The following DENND2B variants were observed in gnomAD, a reference collection of about 807,000 sequenced individuals.
DENND2B encodes the protein DENN domain-containing protein 2B.
Under a neutral mutation model 116.0 loss-of-function variants are expected in DENND2B, and 32 were observed. That is an observed-to-expected ratio of 0.28 (90% CI 0.21 to 0.37). The LOEUF is 0.37. Ranked by LOEUF, DENND2B falls within the 10% of genes least tolerant of loss-of-function variation. DENND2B has a pLI of 1.00. For missense variants in DENND2B, 1,276 were observed against 1,477.7 expected, an observed-to-expected ratio of 0.86 and a Z score of 2.24; for synonymous variants, 588 against 583.9, an observed-to-expected ratio of 1.01 and a Z score of -0.10.
intron 13 of DENND2B, among the ~76,000 whole-genome samples, chr11:8,704,758 C>T (rs757507407): frequency 1.2e-4 from 18 of 152,122 alleles, no homozygotes; most frequent in African/African-American, 3.6e-4. Context: ...AGTGCAGTGG[C>T]GCAATCTTGA....
chr11:8,887,229 A>C lies in DENND2B; in HGVS notation c.-255-6120T>G, dbSNP rs114518765. ...CTTTCTTACATTTATATAGCAAATA[A>C]TTTTTCAAAATATTTTGCATTATCT... On this transcript the variant is annotated intron_variant, in intron 1 of 22. Transcript: ENST00000534127. Among the ~76,000 whole-genome samples the C allele has an allele frequency of 6.1e-3, 929 of 152,320 alleles. 8 individuals are homozygous for C. Among genetic ancestry groups the C allele is most frequent in the African/African-American group, 0.021 (868 of 41,548 alleles).
At chr11:8,869,789 A>G (rs2063713784) in intron 2 of DENND2B, among the ~76,000 whole-genome samples, 1 of 152,240 alleles carries the variant, frequency 6.6e-6, no homozygotes, top group Non-Finnish European at 1.5e-5. Context: ...CACTTCATGC[A>G]TTCAACAGGC....
chr11:8,695,459 T>C lies in DENND2B; in HGVS notation c.3379+4A>G. 1 of 1,613,498 alleles carries C rather than the reference T, an allele frequency of 6.2e-7. No homozygotes were observed. The highest frequency in any genetic ancestry group is 8.5e-7 in the Non-Finnish European group (1 of 1,179,814). ...TCTATCTCATCAGTAACAAGGCCAC[T>C]TACCCAAACCTCGGAGAAACTTATT... On this transcript the variant is annotated splice_donor_region_variant and intron_variant, in intron 19 of 19. Coordinates refer to ENST00000313726, the MANE Select transcript of DENND2B (RefSeq NM_213618.2).
At chr11:8,783,221 T>C (rs1593630768) in intron 1 of DENND2B, among the ~76,000 whole-genome samples, 1 of 152,162 alleles carries the variant, frequency 6.6e-6, no homozygotes, top group Non-Finnish European at 1.5e-5. Flanking sequence ...CACCAGCTAA[T>C]TTTTTACTTT....
intron 1 of DENND2B, among the ~76,000 whole-genome samples, chr11:8,762,531 G>T (rs1442610513): frequency 2.6e-5 from 4 of 152,226 alleles, no homozygotes; most frequent in African/African-American, 9.6e-5. Flanking sequence ...GGCAGGAGTA[G>T]CTTCAGCCCA....
chr11:8,842,960 ATCCTG>A (rs1006340352), intron 3 of DENND2B, among the ~76,000 whole-genome samples: 4 of 152,172 alleles, frequency 2.6e-5, no homozygotes, highest in African/African-American at 9.6e-5. Flanking sequence ...CAGGACAAAA[ATCCTG>A]TACTGGCCTA....
intron 3 of DENND2B, among the ~76,000 whole-genome samples, chr11:8,729,477 G>C (rs1306106130): frequency 6.6e-6 from 1 of 152,262 alleles, no homozygotes; most frequent in Admixed American, 6.5e-5. Context: ...AGAAGGAATT[G>C]TGTTAAATTT....
At chr11:8,774,676 AG>A (rs1436182439) in intron 1 of DENND2B, among the ~76,000 whole-genome samples, 1 of 152,134 alleles carries the variant, frequency 6.6e-6, no homozygotes, top group Non-Finnish European at 1.5e-5. Context: ...GGGCACAGCA[AG>A]TTCCCCAAAA....
chr11:8,861,116 A>T (rs2063376147), intron 2 of DENND2B, among the ~76,000 whole-genome samples: 1 of 152,182 alleles, frequency 6.6e-6, no homozygotes, highest in Non-Finnish European at 1.5e-5. Flanking sequence ...TCTTCTGGAC[A>T]TTGGGTGAGA....
chr11:8,765,894 C>T (rs999042821), intron 1 of DENND2B, among the ~76,000 whole-genome samples: 1 of 151,832 alleles, frequency 6.6e-6, no homozygotes, highest in Admixed American at 6.6e-5. Flanking sequence ...AAAAAATTAG[C>T]CAGAAGTGGT....
Position 8,726,060 on chromosome 11 carries a change from TG to T in DENND2B, c.1477+12del. 1 of 1,614,026 alleles carries T rather than the reference TG, an allele frequency of 6.2e-7. No individual in the cohort carries two copies. Among genetic ancestry groups the T allele is most frequent in the African/African-American group, 1.3e-5 (1 of 75,058 alleles). On this transcript the variant is annotated intron_variant, in intron 4 of 19. Transcript: ENST00000313726. ...CCTGAGATGACCCAGGTGCCACCTCTGCCATTGCTTACCCACAATATCTTCA... is the reference window on the plus strand; with the variant it reads ...CCTGAGATGACCCAGGTGCCACCTCTCCATTGCTTACCCACAATATCTTCA...
chr11:8,716,625 A>G (rs2044850531), intron 5 of DENND2B, among the ~76,000 whole-genome samples: 1 of 151,610 alleles, frequency 6.6e-6, no homozygotes, highest in Admixed American at 6.6e-5. Context: ...GCCTGTTTGA[A>G]AAGAGTCCTA....
In DENND2B at chr11:8,712,976, TG is replaced by T. The variant is rs1332654602; in HGVS notation, c.1988-242del. 6.6e-6 allele frequency among the ~76,000 whole-genome samples: 1 copy of T among 152,156 alleles called. No individual in the cohort carries two copies. Among genetic ancestry groups the T allele is most frequent in the Non-Finnish European group, 1.5e-5 (1 of 68,004 alleles). Reference sequence around the variant, plus strand: ...CTCCTGGAGCCTCTGGAGACTGAGCTGGGGCAGGAGGACTGCCGAGGCCAGG... The same window carrying T: ...CTCCTGGAGCCTCTGGAGACTGAGCTGGGCAGGAGGACTGCCGAGGCCAGG... On this transcript the variant is annotated intron_variant, in intron 8 of 19. Transcript: ENST00000313726. The surrounding 1 kb of genome is among the most constrained non-coding windows in gnomAD (Gnocchi z 4.4).
At chr11:8,710,118 G>A (rs945644621) in intron 11 of DENND2B, among the ~76,000 whole-genome samples, 14 of 152,128 alleles carry the variant, frequency 9.2e-5, no homozygotes, top group Admixed American at 4.6e-4. Flanking sequence ...ATCTGGGGAG[G>A]CTTTCTCTTG....
At chr11:8,851,802 T>C (rs2063018563) in intron 3 of DENND2B, among the ~76,000 whole-genome samples, 1 of 152,180 alleles carries the variant, frequency 6.6e-6, no homozygotes, top group Non-Finnish European at 1.5e-5. Flanking sequence ...TTTTAATTCG[T>C]TTTAAAGTAT....
chr11:8,848,390 G>A (rs2062883370), intron 3 of DENND2B, among the ~76,000 whole-genome samples: 1 of 152,088 alleles, frequency 6.6e-6, no homozygotes, highest in Non-Finnish European at 1.5e-5. Context: ...ATAATAAAAT[G>A]TTAAATAGGG....
Position 8,869,284 on chromosome 11 carries a change from G to A in DENND2B, c.-250+1670C>T, listed in dbSNP as rs1007563134. On this transcript the variant is annotated intron_variant, in intron 2 of 6. Coordinates refer to the DENND2B transcript ENST00000524757. Reference sequence around the variant, plus strand: ...TGTCTACCAAAATGGGTGCCCTTCTGGCCCAATTAGGGGATAACATTTCCC... The same window carrying A: ...TGTCTACCAAAATGGGTGCCCTTCTAGCCCAATTAGGGGATAACATTTCCC... Among the ~76,000 whole-genome samples the A allele has an allele frequency of 7.2e-5, 11 of 152,294 alleles. No individual in the cohort carries two copies. The East Asian group carries it at 1.7e-3, about 24-fold the overall frequency.
chr11:8,751,629 C>T (rs573228514), intron 1 of DENND2B, among the ~76,000 whole-genome samples: 1 of 152,210 alleles, frequency 6.6e-6, no homozygotes, highest in South Asian at 2.1e-4. Flanking sequence ...TACAGACATG[C>T]GGCCTTTAAG....
intron 4 of DENND2B, among the ~76,000 whole-genome samples, chr11:8,823,575 G>C (rs2061849207): frequency 6.6e-6 from 1 of 152,150 alleles, no homozygotes; most frequent in Non-Finnish European, 1.5e-5. Flanking sequence ...TTTCATGATA[G>C]TGAGTGAGGC....
Sources: allele counts gnomAD v4.1 joint callset (sites outside exome capture counted in the v4.1 genomes callset), GRCh38; gene constraint gnomAD v4.1.1; non-coding constraint Gnocchi (gnomAD v3.1); transcripts MANE v1.5; gene names NCBI Gene and HGNC (gene_info 2026-07-23, HGNC 2026-07-21).